Variants in HGSNAT observed in about 807,000 individuals in gnomAD.
The protein encoded by HGSNAT is heparan-alpha-glucosaminide N-acetyltransferase, also known as transmembrane protein 76.
Under a neutral mutation model 85.2 loss-of-function variants are expected in HGSNAT, and 59 were observed. The observed-to-expected ratio is 0.69, with a 90% confidence interval of 0.56 to 0.86. The LOEUF is 0.86. HGSNAT is among the 40% of genes least tolerant of loss of function. The pLI is 0.00. For synonymous variants in HGSNAT, 321 were observed against 304.5 expected (o/e 1.05, Z -0.56); for missense variants, 756 against 777.1 (o/e 0.97, Z 0.32).
At chr8:43,154,642 C>T (rs58684895) in intron 2 of HGSNAT, among the ~76,000 whole-genome samples, 1 of 152,162 alleles carries the variant, frequency 6.6e-6, no homozygotes, top group East Asian at 1.9e-4. Context: ...GTGAATAGTG[C>T]CGCAATAAAC....
At chr8:43,160,041 T>C (rs1026868451) in intron 4 of HGSNAT, among the ~76,000 whole-genome samples, 2 of 152,024 alleles carry the variant, frequency 1.3e-5, no homozygotes, top group African/African-American at 4.8e-5. Context: ...GGAAGAAAAA[T>C]AATGAATGTA....
At chr8:43,159,715 C>G (rs955343606) in intron 4 of HGSNAT, among the ~76,000 whole-genome samples, 1 of 152,222 alleles carries the variant, frequency 6.6e-6, no homozygotes, top group African/African-American at 2.4e-5. Flanking sequence ...TCAAATATCT[C>G]TCCTTGTTTT....
intron 2 of HGSNAT, among the ~76,000 whole-genome samples, chr8:43,147,271 C>A (rs537431211): frequency 6.6e-6 from 1 of 152,304 alleles, no homozygotes; most frequent in African/African-American, 2.4e-5. Context: ...ATCTACTCAT[C>A]CTTTAAAAAG....
intron 1 of HGSNAT, among the ~76,000 whole-genome samples, chr8:43,145,517 CCGAGGCAGGCAGATCA>C (rs1351905561): frequency 1.3e-5 from 2 of 152,058 alleles, no homozygotes; most frequent in Non-Finnish European, 2.9e-5. Flanking sequence ...CTTTGGGAGG[CCGAGGCAGGCAGATCA>C]CGAGGTCAAG....
At chr8:43,195,202 C>T (rs1452777785) in intron 14 of HGSNAT, among the ~76,000 whole-genome samples, 3 of 152,072 alleles carry the variant, frequency 2.0e-5, no homozygotes, top group Admixed American at 2.0e-4. Context: ...ACTGTCCCCC[C>T]ATGCAGTGGA....
At chr8:43,196,157 T>C (rs1804720455) in intron 14 of HGSNAT, 1 of 300,560 alleles carries the variant, frequency 3.3e-6, no homozygotes. Flanking sequence ...GACTCCCTCT[T>C]GTGCTTCAAC....
At chr8:43,160,336 T>G (rs1406944880) in intron 4 of HGSNAT, among the ~76,000 whole-genome samples, 1 of 152,182 alleles carries the variant, frequency 6.6e-6, no homozygotes, top group Non-Finnish European at 1.5e-5. Flanking sequence ...ATGAAGTAAG[T>G]GATTGTGATT....
rs1251787808 is a variant in HGSNAT at position 43,140,556 on chromosome 8, C to T, written c.60C>T (p.Ala20=). 2.0e-5 allele frequency: 24 copies of T among 1,199,914 alleles called. 1 individual carries two copies. In the East Asian group the frequency reaches 5.3e-4, roughly 27 times the overall value. The allele number at this position is 1,199,914 out of a possible 1,614,324, so 74.3% of individuals were successfully genotyped here. The part of the protein sequence containing the change: ...ALLLAASVLS[A]ALLAPGGSSG... The stretch of plus-strand genomic sequence containing the variant: ...TGCTGGCCGCGTCCGTGCTGAGCGC[C>T]GCGCTGCTGGCCCCCGGCGGCTCTT... Residue 20 remains alanine, a synonymous_variant, in exon 1 of 18, where the codon GCC becomes GCT. Transcript: ENST00000379644.
At chr8:43,189,122 C>T (rs931184734) in intron 11 of HGSNAT, among the ~76,000 whole-genome samples, 1 of 152,208 alleles carries the variant, frequency 6.6e-6, no homozygotes, top group African/African-American at 2.4e-5. Flanking sequence ...TCTCAGATCT[C>T]AAACTCTGTG....
At chr8:43,188,855 G>T (rs1804419948) in intron 11 of HGSNAT, among the ~76,000 whole-genome samples, 1 of 152,300 alleles carries the variant, frequency 6.6e-6, no homozygotes, top group Admixed American at 6.5e-5. Flanking sequence ...TTGTTTGTTA[G>T]TTTTCCTTCT....
Position 43,187,128 on chromosome 8 carries a change from G to A in HGSNAT, c.1129-4346G>A, listed in dbSNP as rs550905126. ...AAGAATGTATATTCTGTTGATTTGA[G>A]GTGGAGAGTTCTGTAGATGTCTATC... On this transcript the variant is annotated intron_variant, in intron 11 of 17. Transcript: ENST00000379644. 7.3e-4 allele frequency among the ~76,000 whole-genome samples: 111 copies of A among 152,230 alleles called. 1 individual carries two copies. Among genetic ancestry groups the A allele is most frequent in the Non-Finnish European group, 1.4e-3 (96 of 68,046 alleles).
Position 43,196,138 on chromosome 8 carries a change from C to T in HGSNAT, c.1465-810C>T, listed in dbSNP as rs532094679. 659 of 292,072 alleles carry T rather than the reference C, an allele frequency of 2.3e-3. 11 individuals are homozygous for T. The highest frequency in any genetic ancestry group is 0.02 in the South Asian group (644 of 32,624). The allele number at this position is 292,072 out of a possible 1,614,324, so 18.1% of individuals were successfully genotyped here. Reference sequence around the variant, plus strand: ...CACTTCCCAGCTGGGTGACCTCGGGCGTGTGGCTGACTCCCTCTTGTGCTT... The same window carrying T: ...CACTTCCCAGCTGGGTGACCTCGGGTGTGTGGCTGACTCCCTCTTGTGCTT... On this transcript the variant is annotated intron_variant, in intron 14 of 17. Coordinates refer to ENST00000379644, the MANE Select transcript of HGSNAT (RefSeq NM_152419.3).
intron 10 of HGSNAT, among the ~76,000 whole-genome samples, chr8:43,178,450 C>T (rs1803890836): frequency 6.6e-6 from 1 of 152,076 alleles, no homozygotes; most frequent in African/African-American, 2.4e-5. Flanking sequence ...AAACCCTTCT[C>T]TTGTGCAGAG....
At chr8:43,163,859 G>A (rs1225067811) in intron 5 of HGSNAT, among the ~76,000 whole-genome samples, 4 of 152,158 alleles carry the variant, frequency 2.6e-5, no homozygotes, top group Non-Finnish European at 4.4e-5. Context: ...ACATGTGATG[G>A]TGATGTTATC....
intron 9 of HGSNAT, among the ~76,000 whole-genome samples, chr8:43,177,445 C>G (rs1256254387): frequency 1.3e-5 from 2 of 150,932 alleles, no homozygotes; most frequent in African/African-American, 2.4e-5. Flanking sequence ...GTAGTCCCAG[C>G]TACTCAGGAG....
At chr8:43,146,922 T>C in intron 1 of HGSNAT, 26 bp from the exon 2 acceptor site, 2 of 1,368,984 alleles carry the variant, frequency 1.5e-6, no homozygotes, top group Admixed American at 2.4e-5. Flanking sequence ...TTTTTTTTTT[T>C]TTTAACTTTT....
chr8:43,140,621 G>C lies in HGSNAT; in HGVS notation c.118+7G>C. 3.3e-6 allele frequency: 4 copies of C among 1,209,464 alleles called. No homozygotes were observed. The highest frequency in any genetic ancestry group is 4.2e-6 in the Non-Finnish European group (4 of 954,454). 74.9% of individuals were successfully genotyped at this position (1,209,464 alleles called of 1,614,324 possible). ...CAGGCCGCGCCGCCACGAGGTGAGT[G>C]CACACCTCCTACCGCCGCCCGGCCG... On this transcript the variant is annotated splice_region_variant and intron_variant, in intron 1 of 17. Transcript: ENST00000379644.
intron 4 of HGSNAT, among the ~76,000 whole-genome samples, chr8:43,160,439 G>GTTGCCC (rs1306608742): frequency 1.3e-5 from 2 of 152,156 alleles, no homozygotes; most frequent in Non-Finnish European, 2.9e-5. Flanking sequence ...AACCGCAACA[G>GTTGCCC]GTACACTTTC....
At chr8:43,171,287 T>G (rs1418818313) in intron 7 of HGSNAT, among the ~76,000 whole-genome samples, 2 of 152,160 alleles carry the variant, frequency 1.3e-5, no homozygotes, top group Non-Finnish European at 2.9e-5. Context: ...CCCTATAACT[T>G]TGCCCCAGTC....
Sources: gnomAD v4.1 joint callset for allele counts (sites outside exome capture counted in the v4.1 genomes callset) on GRCh38, gnomAD v4.1.1 for gene constraint, MANE v1.5 for transcripts, NCBI Gene and HGNC (gene_info 2026-07-23, HGNC 2026-07-21) for gene names.